KAZN: variants seen among roughly 807,000 people sequenced by gnomAD.
KAZN encodes the protein kazrin, periplakin interacting protein.
In KAZN, 40 loss-of-function variants were observed where a neutral mutation model predicts 87.4. The observed-to-expected ratio is 0.46, with a 90% CI of 0.36 to 0.60. The LOEUF is 0.60. Ranked by LOEUF, KAZN falls within the 20% of genes least tolerant of loss-of-function variation. The probability of loss-of-function intolerance (pLI) is 0.00; values close to 1 mark genes in which losing one functional copy is unlikely to be tolerated. For missense variants in KAZN, 898 were observed against 1,073.9 expected (o/e 0.84, Z 2.29); for synonymous variants, 466 against 458.3 (o/e 1.02, Z -0.22).
intron 2 of KAZN, among the ~76,000 whole-genome samples, chr1:14,497,921 A>G (rs1205719088): frequency 6.6e-6 from 1 of 152,220 alleles, no homozygotes; most frequent in Non-Finnish European, 1.5e-5. Context: ...TTCCTTGCCC[A>G]TGGTCTCGTA....
chr1:14,959,861 C>G (rs1441437419), intron 1 of KAZN, among the ~76,000 whole-genome samples: 2 of 152,154 alleles, frequency 1.3e-5, no homozygotes, highest in African/African-American at 2.4e-5. Flanking sequence ...ACGGCTCTCA[C>G]TTTGGGAGGA....
At chr1:14,939,084 T>C (rs1473075536) in intron 1 of KAZN, among the ~76,000 whole-genome samples, 1 of 152,108 alleles carries the variant, frequency 6.6e-6, no homozygotes, top group Non-Finnish European at 1.5e-5. Context: ...GCTATTCTCC[T>C]GCCTCAGCCT....
At chr1:14,287,849 G>A (rs1031775261) in intron 2 of KAZN, among the ~76,000 whole-genome samples, 21 of 152,114 alleles carry the variant, frequency 1.4e-4, no homozygotes, top group Non-Finnish European at 2.6e-4. Context: ...TTTGAGATAT[G>A]TTCCACAAAA....
rs182281547 is a variant in KAZN at position 14,828,448 on chromosome 1, A to G, written c.227-132236A>G. Among the ~76,000 whole-genome samples, 135 of 152,326 alleles carry G rather than the reference A, an allele frequency of 8.9e-4. 1 individual carries two copies. The highest frequency in any genetic ancestry group is 6.4e-3 in the South Asian group (31 of 4,826). On this transcript the variant is annotated intron_variant, in intron 1 of 14. Coordinates refer to ENST00000376030, the MANE Select transcript of KAZN (RefSeq NM_201628.3). The stretch of plus-strand genomic sequence containing the variant: ...TCAATTGGATGAAATAATCGCTACA[A>G]TCACTGGATAATTAGATCCTTCCTG...
At chr1:14,815,566 T>A (rs746923052) in intron 1 of KAZN, among the ~76,000 whole-genome samples, 6 of 152,196 alleles carry the variant, frequency 3.9e-5, no homozygotes, top group Non-Finnish European at 8.8e-5. Flanking sequence ...TATCATTGCA[T>A]GTGGGGAGGA....
intron 2 of KAZN, among the ~76,000 whole-genome samples, chr1:14,215,972 A>G (rs1646949676): frequency 6.6e-6 from 1 of 152,214 alleles, no homozygotes; most frequent in Non-Finnish European, 1.5e-5. Context: ...TACTATATCA[A>G]TAACATACAA....
intron 2 of KAZN, among the ~76,000 whole-genome samples, chr1:14,981,923 C>T (rs1034350204): frequency 1.1e-4 from 16 of 152,180 alleles, no homozygotes; most frequent in Admixed American, 5.2e-4. Context: ...CCATCCAGGG[C>T]ACCTTTCTCA....
intron 2 of KAZN, among the ~76,000 whole-genome samples, chr1:14,364,935 T>G (rs1659844351): frequency 6.6e-6 from 1 of 152,054 alleles, no homozygotes; most frequent in Non-Finnish European, 1.5e-5. Flanking sequence ...TAGAGAGAGG[T>G]TCTGACTATG....
chr1:14,910,424 C>T (rs76080244), intron 1 of KAZN, among the ~76,000 whole-genome samples: 2,983 of 152,316 alleles, frequency 0.02, 112 homozygotes, highest in African/African-American at 0.068. Flanking sequence ...ACCCTCAACA[C>T]TGCTGACTCT....
intron 1 of KAZN, among the ~76,000 whole-genome samples, chr1:14,657,334 C>T (rs965796924): frequency 3.3e-5 from 5 of 152,116 alleles, no homozygotes; most frequent in African/African-American, 9.7e-5. Context: ...CTGCCTGCCT[C>T]GGCCTCCCAG....
intron 2 of KAZN, among the ~76,000 whole-genome samples, chr1:15,027,111 T>C (rs1419545656): frequency 1.8e-5 from 2 of 111,208 alleles, no homozygotes; most frequent in Non-Finnish European, 3.5e-5. Flanking sequence ...AGACAGAGTC[T>C]CGCTCTGTCG....
At chr1:14,943,492 G>A (rs1466333132) in intron 1 of KAZN, among the ~76,000 whole-genome samples, 1 of 152,220 alleles carries the variant, frequency 6.6e-6, no homozygotes, top group Non-Finnish European at 1.5e-5. Flanking sequence ...GTCTCACAAC[G>A]AGAAGGCAGT....
Position 14,598,945 on chromosome 1 carries a change from C to T in KAZN, c.-53C>T. 6.4e-7 allele frequency: 1 copy of T among 1,557,162 alleles called. No individual in the cohort carries two copies. The highest frequency in any genetic ancestry group is 8.7e-7 in the Non-Finnish European group (1 of 1,155,966). On this transcript the variant is annotated 5_prime_UTR_variant, in exon 1 of 15. Transcript: ENST00000376030. This position sits in a 1 kb window ranked among gnomAD's most constrained non-coding sequence, Gnocchi z 4.2. Reference sequence around the variant, plus strand: ...GGGGTGCCCGGCCGCGCGCCCCCCGCGCATCATGCAGCTCTTTGTCACCTC... The same window carrying T: ...GGGGTGCCCGGCCGCGCGCCCCCCGTGCATCATGCAGCTCTTTGTCACCTC...
intron 1 of KAZN, among the ~76,000 whole-genome samples, chr1:14,823,542 T>C (rs1285869861): frequency 6.6e-6 from 1 of 152,040 alleles, no homozygotes; most frequent in African/African-American, 2.4e-5. Flanking sequence ...CTATTGGTAT[T>C]CAGAAGGTAG....
At chr1:14,964,638 G>A (rs866292304) in intron 2 of KAZN, among the ~76,000 whole-genome samples, 12 of 152,318 alleles carry the variant, frequency 7.9e-5, no homozygotes, top group Middle Eastern at 3.4e-3. Context: ...AATGAGGAGA[G>A]GGGGAATAAA....
At position 15,048,422 on chromosome 1, in the gene KAZN, A is replaced by ATGTG. The variant is rs111596883; in HGVS notation, c.726+4277_726+4280dup. On this transcript the variant is annotated intron_variant, in intron 4 of 14. Coordinates refer to ENST00000376030, the MANE Select transcript of KAZN (RefSeq NM_201628.3). ...GCCCCAAGGGACCGCATGTGTGTGT[A>ATGTG]TGTGTGTGTGTGTGTGTATGTGTAA... 1.0e-3 allele frequency among the ~76,000 whole-genome samples: 153 copies of ATGTG among 150,936 alleles called. 1 individual carries two copies. The highest frequency in any genetic ancestry group is 2.4e-3 in the East Asian group (12 of 5,100).
intron 1 of KAZN, among the ~76,000 whole-genome samples, chr1:14,662,445 G>A (rs1454682692): frequency 6.6e-6 from 1 of 152,014 alleles, no homozygotes; most frequent in African/African-American, 2.4e-5. Flanking sequence ...CCTTGTCTTC[G>A]GGACTAAACA....
chr1:14,362,742 C>G (rs1659626213), intron 2 of KAZN, among the ~76,000 whole-genome samples: 1 of 152,190 alleles, frequency 6.6e-6, no homozygotes, highest in South Asian at 2.1e-4. Context: ...TTCTAAGAGG[C>G]TACATCATAT....
At chr1:14,074,406 C>T (rs1019553496) in intron 1 of KAZN, among the ~76,000 whole-genome samples, 1 of 152,186 alleles carries the variant, frequency 6.6e-6, no homozygotes, top group African/African-American at 2.4e-5. Context: ...CTCTGCAAAC[C>T]AGCACCCCTT....
Sources: allele counts gnomAD v4.1 joint callset (sites outside exome capture counted in the v4.1 genomes callset), GRCh38; gene constraint gnomAD v4.1.1; non-coding constraint Gnocchi (gnomAD v3.1); transcripts MANE v1.5; gene names NCBI Gene and HGNC (gene_info 2026-07-23, HGNC 2026-07-21).